The following PAIP2B variants were observed in gnomAD, a reference collection of about 807,000 sequenced individuals.
The protein encoded by PAIP2B is poly(A) binding protein interacting protein 2B.
A neutral mutation model predicts 17.0 loss-of-function variants in PAIP2B; 13 were observed. The ratio of observed to expected loss-of-function variants is 0.76; its 90% CI spans 0.50 to 1.22. The LOEUF (loss-of-function observed/expected upper bound fraction) is 1.22, where lower values mean the gene tolerates loss of function less well. Among genes scored for constraint, PAIP2B ranks in the 50% most tolerant of loss-of-function variants. The pLI is 0.00. For synonymous variants in PAIP2B, 43 were observed against 48.7 expected, an observed-to-expected ratio of 0.88 and a Z score of 0.48; for missense variants, 117 against 144.5, an observed-to-expected ratio of 0.81 and a Z score of 0.98.
intron 1 of PAIP2B, among the ~76,000 whole-genome samples, chr2:71,223,034 G>A (rs1675630278): frequency 6.6e-6 from 1 of 152,194 alleles, no homozygotes; most frequent in Non-Finnish European, 1.5e-5. Flanking sequence ...CAGAGCTCCT[G>A]ACTTAGCTCT....
intron 2 of PAIP2B, among the ~76,000 whole-genome samples, chr2:71,193,329 A>G (rs1208080673): frequency 6.6e-6 from 1 of 152,084 alleles, no homozygotes; most frequent in East Asian, 1.9e-4. Context: ...TAGATGCTTG[A>G]TATCAGACCT....
chr2:71,195,633 G>T (rs182918489), intron 2 of PAIP2B, among the ~76,000 whole-genome samples: 1 of 152,064 alleles, frequency 6.6e-6, no homozygotes, highest in Admixed American at 6.6e-5. Flanking sequence ...GCAGCTACTA[G>T]CCTATTTCAT....
intron 2 of PAIP2B, among the ~76,000 whole-genome samples, chr2:71,199,232 C>A (rs1359527755): frequency 6.6e-6 from 1 of 152,096 alleles, no homozygotes; most frequent in South Asian, 2.1e-4. Context: ...TGGAAGTAAT[C>A]CATTTTCTTT....
chr2:71,198,223 G>T (rs956450503), intron 2 of PAIP2B, among the ~76,000 whole-genome samples: 2 of 151,644 alleles, frequency 1.3e-5, no homozygotes, highest in African/African-American at 4.8e-5. Context: ...AGATTCAAGA[G>T]ATTCTCCTGC....
rs1408176567 is a variant in PAIP2B at position 71,188,234 on chromosome 2, G to A, written c.*245C>T. ...AATGCAATTTCCTTAACTCGAAAGA[G>A]CTATTTAAAAAAACAAAACAGGAAA... On this transcript the variant is annotated 3_prime_UTR_variant, in exon 4 of 4. Transcript: ENST00000244221. 1.9e-6 allele frequency: 1 copy of A among 514,662 alleles called. No homozygotes were observed. Among genetic ancestry groups the A allele is most frequent in the East Asian group, 3.1e-5 (1 of 31,830 alleles). The allele number at this position is 514,662 out of a possible 1,614,324, so 31.9% of individuals were successfully genotyped here. A position where few individuals can be genotyped will look rare whatever the true frequency, so the allele number is the denominator to read the frequency against.
intron 1 of PAIP2B, among the ~76,000 whole-genome samples, chr2:71,208,346 C>T (rs1675192539): frequency 6.6e-6 from 1 of 151,978 alleles, no homozygotes; most frequent in African/African-American, 2.4e-5. Flanking sequence ...TCACTTGGAC[C>T]TGGGAGATGG....
intron 1 of PAIP2B, among the ~76,000 whole-genome samples, chr2:71,203,312 C>A (rs1181394623): frequency 6.6e-6 from 1 of 150,586 alleles, no homozygotes; most frequent in African/African-American, 2.4e-5. Context: ...GGGGGTGTTT[C>A]CAATGTTTCT....
At chr2:71,210,210 T>C (rs1368445322) in intron 1 of PAIP2B, among the ~76,000 whole-genome samples, 1 of 152,070 alleles carries the variant, frequency 6.6e-6, no homozygotes, top group East Asian at 1.9e-4. Context: ...ACTAAGTAAA[T>C]AAACCCATCA....
At chr2:71,223,726 C>G (rs1042005053) in intron 1 of PAIP2B, among the ~76,000 whole-genome samples, 1 of 152,132 alleles carries the variant, frequency 6.6e-6, no homozygotes, top group Admixed American at 6.5e-5. Flanking sequence ...CATGAACCAC[C>G]ACGCTCAGCC....
In PAIP2B at chr2:71,183,900, G is replaced by C. The variant is rs1216621632; in HGVS notation, c.*4579C>G. 1 of 152,128 alleles carries C rather than the reference G, an allele frequency of 6.6e-6. No homozygotes were observed. The highest frequency in any genetic ancestry group is 1.5e-5 in the Non-Finnish European group (1 of 68,022). The allele number at this position is 152,128 out of a possible 1,614,324, so 9.4% of individuals were successfully genotyped here. ...ATCACTGAAATGTACACTTGAAATG[G>C]GTGTTTTATGATATGTAACATATGC... On this transcript the variant is annotated 3_prime_UTR_variant, in exon 4 of 4. Transcript: ENST00000244221.
chr2:71,199,542 C>T (rs956094546), intron 2 of PAIP2B, among the ~76,000 whole-genome samples: 3 of 151,412 alleles, frequency 2.0e-5, no homozygotes, highest in East Asian at 1.9e-4. Context: ...ACACTTCTCC[C>T]TTTTTTTCCC....
chr2:71,219,291 C>T (rs1028870057), intron 1 of PAIP2B, among the ~76,000 whole-genome samples: 1 of 151,892 alleles, frequency 6.6e-6, no homozygotes, highest in Non-Finnish European at 1.5e-5. Flanking sequence ...CCTTTATAAT[C>T]AGGGATAAGT....
At chr2:71,192,374 A>C (rs1674708338) in intron 2 of PAIP2B, among the ~76,000 whole-genome samples, 1 of 151,018 alleles carries the variant, frequency 6.6e-6, no homozygotes, top group Non-Finnish European at 1.5e-5. Context: ...ACATTTTGGT[A>C]ATTCTCTCAA....
intron 2 of PAIP2B, among the ~76,000 whole-genome samples, chr2:71,194,806 G>A (rs925568705): frequency 1.3e-5 from 2 of 152,104 alleles, no homozygotes; most frequent in South Asian, 4.1e-4. Flanking sequence ...GTCTTGTACC[G>A]GTTTTCAAGG....
chr2:71,208,425 C>G (rs1187325963), intron 1 of PAIP2B, among the ~76,000 whole-genome samples: 4 of 150,794 alleles, frequency 2.7e-5, no homozygotes, highest in Admixed American at 1.3e-4. Context: ...TCCATTTCAC[C>G]CCCCCAAAAA....
At position 71,193,786 on chromosome 2, in the gene PAIP2B, G is replaced by A. The variant is rs112768310; in HGVS notation, c.139-3765C>T. On this transcript the variant is annotated intron_variant, in intron 2 of 3. Transcript: ENST00000244221. ...GGAGAATGGCGAGAATCCGGGAGGC[G>A]GAGCTTGCAGTGAGTACTCCAGCCT... is the stretch of plus-strand genomic sequence containing the variant. Among the ~76,000 whole-genome samples the A allele has an allele frequency of 1.5e-3, 235 of 152,154 alleles. 2 individuals are homozygous for A. The highest frequency in any genetic ancestry group is 5.1e-3 in the African/African-American group (210 of 41,508).
At chr2:71,210,504 G>A (rs981033262) in intron 1 of PAIP2B, among the ~76,000 whole-genome samples, 9 of 152,288 alleles carry the variant, frequency 5.9e-5, no homozygotes, top group Admixed American at 4.6e-4. Context: ...TCCATTTGAT[G>A]CAAGAACAGT....
chr2:71,197,254 A>AT (rs1418967431), intron 2 of PAIP2B, among the ~76,000 whole-genome samples: 1 of 152,048 alleles, frequency 6.6e-6, no homozygotes, highest in Non-Finnish European at 1.5e-5. Flanking sequence ...AAAGGATCTT[A>AT]TTTTTCCTTC....
intron 1 of PAIP2B, among the ~76,000 whole-genome samples, chr2:71,221,692 C>T (rs944174423): frequency 6.6e-6 from 1 of 152,180 alleles, no homozygotes; most frequent in African/African-American, 2.4e-5. Flanking sequence ...AACTGTTATA[C>T]TCTCAATCGT....
Sources: gnomAD v4.1 joint callset for allele counts (sites outside exome capture counted in the v4.1 genomes callset) on GRCh38, gnomAD v4.1.1 for gene constraint, MANE v1.5 for transcripts, NCBI Gene and HGNC (gene_info 2026-07-23, HGNC 2026-07-21) for gene names.